SLC14A2: variants seen among roughly 807,000 people sequenced by gnomAD.
SLC14A2 encodes urea transporter 2.
A neutral mutation model predicts 104.6 loss-of-function variants in SLC14A2; 91 were observed. The observed-to-expected ratio is 0.87, with a 90% CI of 0.73 to 1.04. The LOEUF (loss-of-function observed/expected upper bound fraction) is 1.04. Ranked by LOEUF, SLC14A2 falls within the 50% of genes least tolerant of loss-of-function variation. SLC14A2 has a pLI of 0.00. For synonymous variants in SLC14A2, 476 were observed against 466.4 expected, an observed-to-expected ratio of 1.02 and a Z score of -0.27; for missense variants, 1,189 against 1,156.0, an observed-to-expected ratio of 1.03 and a Z score of -0.41.
intron 1 of SLC14A2, among the ~76,000 whole-genome samples, chr18:45,317,536 G>C (rs1014702743): frequency 6.6e-6 from 1 of 152,170 alleles, no homozygotes; most frequent in African/African-American, 2.4e-5. Context: ...GTCAGAGAAG[G>C]CCTCCCTTCT....
At chr18:45,347,082 G>C (rs1176649493) in intron 1 of SLC14A2, among the ~76,000 whole-genome samples, 1 of 152,184 alleles carries the variant, frequency 6.6e-6, no homozygotes, top group African/African-American at 2.4e-5. Flanking sequence ...GTGGCCCTGC[G>C]TGGTGGCTCA....
intron 1 of SLC14A2, among the ~76,000 whole-genome samples, chr18:45,264,323 T>G (rs1458763776): frequency 6.6e-6 from 1 of 152,188 alleles, no homozygotes; most frequent in Non-Finnish European, 1.5e-5. Context: ...TTTTCCAACC[T>G]GACTCTCATT....
chr18:45,637,782 A>G (rs2045446385), intron 6 of SLC14A2, among the ~76,000 whole-genome samples: 1 of 152,164 alleles, frequency 6.6e-6, no homozygotes, highest in Non-Finnish European at 1.5e-5. Flanking sequence ...AACAACAGAG[A>G]AAGGCCTTCC....
chr18:45,200,152 G>A, the SLC14A2 span, among the ~76,000 whole-genome samples: 8 of 152,030 alleles, frequency 5.3e-5, no homozygotes, highest in Admixed American at 1.3e-4. Context: ...CATTCTTTGT[G>A]TTTGGAGTTG....
intron 10 of SLC14A2, among the ~76,000 whole-genome samples, chr18:45,658,680 C>G (rs1230696654): frequency 1.4e-4 from 21 of 151,836 alleles, no homozygotes. Flanking sequence ...ATTATTATTT[C>G]CCCTCTGAAA....
intron 1 of SLC14A2, among the ~76,000 whole-genome samples, chr18:45,453,953 G>A (rs773959583): frequency 5.5e-5 from 8 of 146,030 alleles, no homozygotes; most frequent in Non-Finnish European, 1.0e-4. Flanking sequence ...TCTGCCTCCC[G>A]GGTTCAAGCG....
At chr18:45,363,328 A>C (rs772882670) in intron 1 of SLC14A2, among the ~76,000 whole-genome samples, 8 of 152,102 alleles carry the variant, frequency 5.3e-5, no homozygotes, top group Non-Finnish European at 7.4e-5. Context: ...GGAATTTCTA[A>C]TAATTGTATC....
intron 2 of SLC14A2, among the ~76,000 whole-genome samples, chr18:45,495,378 T>C (rs1016828028): frequency 1.3e-5 from 2 of 152,200 alleles, no homozygotes; most frequent in African/African-American, 4.8e-5. Context: ...TATAAGATCC[T>C]GGTGGCATAT....
At position 45,624,674 on chromosome 18, in the gene SLC14A2, C is replaced by G; in HGVS notation, c.10C>G (p.Pro4Ala). The stretch of plus-strand genomic sequence containing the variant: ...GCTGTGACCCGAAGGAATGTCTGAC[C>G]CCCACAGCAGTCCTCTCCTGCCAGA... MSD[P>A]HSSPLLPEPL... The change falls in exon 2 of 20, where the codon CCC (proline) becomes GCC (alanine). Residue 4 changes from proline to alanine, a missense_variant. Physicochemically the swap from Pro to Ala is conservative, Grantham distance 27. Coordinates refer to ENST00000255226, the MANE Select transcript of SLC14A2 (RefSeq NM_007163.4). 6.2e-7 allele frequency: 1 copy of G among 1,611,142 alleles called. No homozygotes were observed. The highest frequency in any genetic ancestry group is 8.5e-7 in the Non-Finnish European group (1 of 1,178,640).
chr18:45,255,836 T>C (rs1378485019), intron 1 of SLC14A2, among the ~76,000 whole-genome samples: 2 of 152,134 alleles, frequency 1.3e-5, no homozygotes, highest in African/African-American at 4.8e-5. Context: ...CCCCCTTCAA[T>C]GGTGTCCTTG....
intron 2 of SLC14A2, among the ~76,000 whole-genome samples, chr18:45,553,314 G>A (rs892238304): frequency 6.6e-6 from 1 of 152,150 alleles, no homozygotes; most frequent in South Asian, 2.1e-4. Flanking sequence ...TGTCACTGTG[G>A]CCCCAAAGTA....
intron 14 of SLC14A2, 121 bp downstream of exon 14, chr18:45,668,143 T>A: frequency 8.7e-7 from 1 of 1,146,776 alleles, no homozygotes; most frequent in Non-Finnish European, 1.2e-6. Flanking sequence ...TAAAAATGAC[T>A]GTTCCCTGGT....
chr18:45,467,368 T>C (rs549258520), intron 1 of SLC14A2, among the ~76,000 whole-genome samples: 25 of 152,258 alleles, frequency 1.6e-4, no homozygotes, highest in African/African-American at 5.8e-4. Flanking sequence ...ATTTCCCCCA[T>C]ATTGGCTGTT....
intron 1 of SLC14A2, among the ~76,000 whole-genome samples, chr18:45,352,699 A>G (rs2085515335): frequency 6.6e-6 from 1 of 152,196 alleles, no homozygotes; most frequent in Admixed American, 6.5e-5. Context: ...AACAGGTAAG[A>G]GGAAGCCCAG....
In SLC14A2 at chr18:45,667,006, G is replaced by C. The variant is rs1385776542; in HGVS notation, c.1629G>C (p.Arg543=). 2 of 1,613,950 alleles carry C rather than the reference G, an allele frequency of 1.2e-6. No homozygotes were observed. The highest frequency in any genetic ancestry group is 1.1e-5 in the South Asian group (1 of 91,076). Residue 543 remains arginine (R), a synonymous_variant, in exon 13 of 20, where the codon CGG becomes CGC. Transcript: ENST00000255226. ...ETNISKTSWI[R]SSMAASGKRV... ...ACATTTCCAAGACATCCTGGATTCG[G>C]AGTTCCATGGCTGCCAGTGGGAAAA...
intron 1 of SLC14A2, among the ~76,000 whole-genome samples, chr18:45,255,891 C>T (rs1231509948): frequency 1.3e-5 from 2 of 152,158 alleles, no homozygotes; most frequent in Admixed American, 1.3e-4. Flanking sequence ...CTCTCAGAAA[C>T]CTCCAGGCAG....
chr18:45,651,265 G>A (rs1367492480), intron 10 of SLC14A2, among the ~76,000 whole-genome samples: 4 of 152,142 alleles, frequency 2.6e-5, no homozygotes, highest in Admixed American at 1.3e-4. Context: ...GGCACATTTC[G>A]AGAGGGTCTT....
intron 1 of SLC14A2, among the ~76,000 whole-genome samples, chr18:45,267,574 A>G (rs1357272946): frequency 6.6e-6 from 1 of 152,200 alleles, no homozygotes; most frequent in Non-Finnish European, 1.5e-5. Context: ...ATGAATGTCT[A>G]CTATGTGCCA....
chr18:45,603,212 C>T (rs1162781761), intron 2 of SLC14A2, among the ~76,000 whole-genome samples: 16 of 152,060 alleles, frequency 1.1e-4, no homozygotes, highest in Admixed American at 1.0e-3. Context: ...AAATGGAATC[C>T]TGGTAAGTGT....
Sources: gnomAD v4.1 joint callset for allele counts (sites outside exome capture counted in the v4.1 genomes callset) on GRCh38, gnomAD v4.1.1 for gene constraint, MANE v1.5 for transcripts, NCBI Gene and HGNC (gene_info 2026-07-23, HGNC 2026-07-21) for gene names.